ZRANB3: variants seen among roughly 807,000 people sequenced by gnomAD.
ZRANB3 encodes the protein zinc finger RANBP2-type containing 3.
In ZRANB3, 125 loss-of-function variants were observed where a neutral mutation model predicts 133.8. The observed-to-expected ratio is 0.93, with a 90% confidence interval of 0.81 to 1.08. The LOEUF (loss-of-function observed/expected upper bound fraction) is 1.08, where lower values mean the gene tolerates loss of function less well. ZRANB3 is among the 50% of genes least tolerant of loss of function. The pLI is 0.00. For missense variants in ZRANB3, 1,229 were observed against 1,275.5 expected, an observed-to-expected ratio of 0.96 and a Z score of 0.56; for synonymous variants, 387 against 432.7, an observed-to-expected ratio of 0.89 and a Z score of 1.31.
At chr2:135,208,711 C>T (rs943309016) in intron 18 of ZRANB3, among the ~76,000 whole-genome samples, 157 bp downstream of exon 18, 5 of 152,216 alleles carry the variant, frequency 3.3e-5, no homozygotes, top group Admixed American at 2.6e-4. Context: ...GGTACCTCAA[C>T]AGGTTGCTAG....
intron 12 of ZRANB3, among the ~76,000 whole-genome samples, chr2:135,241,530 G>A (rs1573742371): frequency 6.6e-6 from 1 of 151,910 alleles, no homozygotes; most frequent in East Asian, 1.9e-4. Context: ...CTCTTCAAAT[G>A]TCTAATGACA....
At chr2:135,331,135 T>C (rs529584931) in intron 6 of ZRANB3, among the ~76,000 whole-genome samples, 1 of 152,332 alleles carries the variant, frequency 6.6e-6, no homozygotes, top group South Asian at 2.1e-4. Context: ...GCTTCTCTAG[T>C]TCTTTTAACT....
chr2:135,283,268 G>C (rs929294046), intron 8 of ZRANB3, among the ~76,000 whole-genome samples: 1 of 151,772 alleles, frequency 6.6e-6, no homozygotes, highest in Admixed American at 6.6e-5. Flanking sequence ...CTGGGTGACA[G>C]AGTGAGACCC....
chr2:135,482,828 G>C (rs1038134966), intron 2 of ZRANB3, among the ~76,000 whole-genome samples: 2 of 152,138 alleles, frequency 1.3e-5, no homozygotes, highest in African/African-American at 2.4e-5. Context: ...CAGCATGAAG[G>C]GTTGTTGAAT....
chr2:135,207,620 C>T lies in ZRANB3; in HGVS notation c.2823G>A (p.Gln941=). The change falls in exon 19 of 21, where the codon CAG becomes CAA. Residue 941 remains glutamine, a synonymous_variant. Coordinates refer to ENST00000264159, the MANE Select transcript of ZRANB3 (RefSeq NM_032143.4). ...TATTAGATCGAATCCAAAACTCTTCCTGACATTTCAGAGAGCAAAACCGTG... is the reference window on the plus strand; with the variant it reads ...TATTAGATCGAATCCAAAACTCTTCTTGACATTTCAGAGAGCAAAACCGTG... The part of the protein sequence containing the change: ...WDSRFCSLKC[Q]EEFWIRSNNS... 6.2e-7 allele frequency: 1 copy of T among 1,614,014 alleles called. No individual in the cohort carries two copies. Among genetic ancestry groups the T allele is most frequent in the Non-Finnish European group, 8.5e-7 (1 of 1,179,884 alleles).
intron 2 of ZRANB3, among the ~76,000 whole-genome samples, chr2:135,480,019 C>A (rs1019436715): frequency 1.3e-5 from 2 of 151,868 alleles, no homozygotes; most frequent in Non-Finnish European, 2.9e-5. Flanking sequence ...CTGCAAGCTC[C>A]GCCTCCTGGG....
chr2:135,400,781 G>A lies in ZRANB3; in HGVS notation c.162-9961C>T, dbSNP rs74787998. 3.0e-3 allele frequency among the ~76,000 whole-genome samples: 460 copies of A among 152,180 alleles called. 2 individuals carry two copies. Among genetic ancestry groups the A allele is most frequent in the African/African-American group, 0.01 (432 of 41,528 alleles). On this transcript the variant is annotated intron_variant, in intron 2 of 20. Transcript: ENST00000264159. The stretch of plus-strand genomic sequence containing the variant: ...AACTACTCAACTCTGTTCTAACACC[G>A]GAAAAGCAGCCAATGACAACAAATA...
chr2:135,440,575 C>A (rs1374885485), intron 2 of ZRANB3, among the ~76,000 whole-genome samples: 2 of 152,040 alleles, frequency 1.3e-5, no homozygotes, highest in African/African-American at 4.8e-5. Context: ...TGAGATTGAG[C>A]CAGGCTGACA....
At chr2:135,516,508 T>C (rs955644193) in intron 1 of ZRANB3, among the ~76,000 whole-genome samples, 2 of 152,238 alleles carry the variant, frequency 1.3e-5, no homozygotes, top group African/African-American at 2.4e-5. Context: ...AAGGATTTTA[T>C]TTCACCTTCA....
intron 13 of ZRANB3, among the ~76,000 whole-genome samples, chr2:135,228,823 C>T (rs1179306494): frequency 1.3e-5 from 2 of 152,008 alleles, no homozygotes; most frequent in African/African-American, 4.8e-5. Context: ...GTTACTTAGA[C>T]TATGTATTTC....
Position 135,338,419 on chromosome 2 carries a change from A to G in ZRANB3, c.677+7131T>C, listed in dbSNP as rs544433402. 2.0e-5 allele frequency among the ~76,000 whole-genome samples: 3 copies of G among 152,294 alleles called. 1 individual carries two copies. Among genetic ancestry groups the G allele is most frequent in the African/African-American group, 7.2e-5 (3 of 41,558 alleles). ...AATCTCCAGCCAGCTGGGTAATCAC[A>G]CTATGCTGAACAGTTAAACTAACAG... On this transcript the variant is annotated intron_variant, in intron 6 of 20. Coordinates refer to ENST00000264159, the MANE Select transcript of ZRANB3 (RefSeq NM_032143.4).
intron 2 of ZRANB3, among the ~76,000 whole-genome samples, chr2:135,491,659 G>A (rs188651650): frequency 2.0e-3 from 311 of 152,196 alleles, no homozygotes; most frequent in Admixed American, 4.4e-3. Flanking sequence ...GATTACAGGT[G>A]CATGCCACCA....
intron 8 of ZRANB3, among the ~76,000 whole-genome samples, chr2:135,301,206 AC>A (rs1418404181): frequency 6.8e-6 from 1 of 147,990 alleles, no homozygotes; most frequent in Non-Finnish European, 1.5e-5. Context: ...TTTTTTTGAG[AC>A]AGAGTTTCAC....
intron 2 of ZRANB3, among the ~76,000 whole-genome samples, chr2:135,420,091 T>TTATATATATATATATATATATATATA (rs201217358): frequency 1.8e-4 from 13 of 72,460 alleles, no homozygotes; most frequent in Admixed American, 6.5e-4. Context: ...TATCTTAGAT[T>TTATATATATATATATATATATATATA]TATATATATA....
chr2:135,351,601 G>C (rs1020567319), intron 4 of ZRANB3, among the ~76,000 whole-genome samples: 1 of 152,114 alleles, frequency 6.6e-6, no homozygotes, highest in East Asian at 1.9e-4. Flanking sequence ...GAAAGTAATA[G>C]GTTATTTAAT....
intron 2 of ZRANB3, among the ~76,000 whole-genome samples, chr2:135,455,592 T>TA (rs1049127925): frequency 6.9e-6 from 1 of 143,942 alleles, no homozygotes; most frequent in African/African-American, 2.6e-5. Flanking sequence ...TTTTTTTCTT[T>TA]TTTTTTTTTT....
chr2:135,361,452 TAA>T, intron 3 of ZRANB3, among the ~76,000 whole-genome samples: 1 of 152,250 alleles, frequency 6.6e-6, no homozygotes, highest in East Asian at 1.9e-4. Context: ...ATGAAATTAT[TAA>T]GAGCAATTAA....
intron 1 of ZRANB3, chr2:135,511,345 G>A: frequency 2.4e-6 from 2 of 839,934 alleles, no homozygotes; most frequent in Non-Finnish European, 4.2e-6. Flanking sequence ...TCTGGTTCTG[G>A]CTCAGGATCA....
chr2:135,299,409 C>A (rs1183662039), intron 8 of ZRANB3, among the ~76,000 whole-genome samples: 2 of 152,186 alleles, frequency 1.3e-5, no homozygotes, highest in Non-Finnish European at 1.5e-5. Context: ...AGGCTACAAG[C>A]CTCCCCTGCT....
Sources: gnomAD v4.1 joint callset for allele counts (sites outside exome capture counted in the v4.1 genomes callset) on GRCh38, gnomAD v4.1.1 for gene constraint, MANE v1.5 for transcripts, NCBI Gene and HGNC (gene_info 2026-07-23, HGNC 2026-07-21) for gene names.